The following SAMD5 variants were observed in gnomAD, a reference collection of about 807,000 sequenced individuals.
SAMD5 encodes sterile alpha motif domain containing 5, also known as sterile alpha motif domain-containing protein 5.
SAMD5 carries 13 observed loss-of-function variants against 11.3 expected under a neutral mutation model. The ratio of observed to expected loss-of-function variants is 1.15; its 90% CI spans 0.75 to 1.83. The LOEUF (loss-of-function observed/expected upper bound fraction) is 1.83, where lower values mean the gene tolerates loss of function less well. Ranked by LOEUF, SAMD5 falls within the 40% of genes most tolerant of loss-of-function variation. SAMD5 has a pLI of 0.00. For missense variants in SAMD5, 255 were observed against 239.1 expected, an observed-to-expected ratio of 1.07 and a Z score of -0.44; for synonymous variants, 129 against 111.3, an observed-to-expected ratio of 1.16 and a Z score of -1.00.
At chr6:147,930,107 C>G in the SAMD5 span, among the ~76,000 whole-genome samples, 3 of 151,942 alleles carry the variant, frequency 2.0e-5, no homozygotes, top group African/African-American at 7.2e-5. Context: ...CAGCCATCCA[C>G]GAAACTCTAG....
At chr6:147,911,697 A>T in the SAMD5 span, among the ~76,000 whole-genome samples, 1 of 152,244 alleles carries the variant, frequency 6.6e-6, no homozygotes, top group Non-Finnish European at 1.5e-5. Context: ...TGTACCAGTT[A>T]TCTATTGCTG....
chr6:147,910,799 G>A, the SAMD5 span, among the ~76,000 whole-genome samples: 1 of 152,320 alleles, frequency 6.6e-6, no homozygotes, highest in East Asian at 1.9e-4. Flanking sequence ...TTAATGACTA[G>A]TTATATTTTA....
At chr6:147,708,263 T>C (rs1304812166) in intron 1 of SAMD5, among the ~76,000 whole-genome samples, 1 of 152,078 alleles carries the variant, frequency 6.6e-6, no homozygotes, top group Non-Finnish European at 1.5e-5. Context: ...GAAGACATCA[T>C]AAAGATACAG....
At chr6:147,595,780 C>T (rs1789522595) in intron 1 of SAMD5, among the ~76,000 whole-genome samples, 1 of 152,072 alleles carries the variant, frequency 6.6e-6, no homozygotes. Context: ...CTGCCTCTGC[C>T]TCCCAAAGTG....
the SAMD5 span, among the ~76,000 whole-genome samples, chr6:147,882,567 G>T: frequency 6.6e-6 from 1 of 152,120 alleles, no homozygotes; most frequent in Non-Finnish European, 1.5e-5. Context: ...TCTAACCTGG[G>T]CAACATAGCA....
downstream of SAMD5, among the ~76,000 whole-genome samples, chr6:147,570,790 G>A (rs1020702741): frequency 4.6e-5 from 7 of 152,128 alleles, no homozygotes; most frequent in African/African-American, 1.7e-4. Flanking sequence ...GAAATGAAAA[G>A]GACCTTAAGG....
At position 147,569,896 on chromosome 6, in the gene SAMD5, G is replaced by A. The variant is rs144108559; in HGVS notation, c.*5440G>A. 1.5e-4 allele frequency: 151 copies of A among 985,044 alleles called. No individual in the cohort carries two copies. The South Asian group carries it at 2.1e-3, about 13-fold the overall frequency. 61.0% of individuals were successfully genotyped at this position (985,044 alleles called of 1,614,324 possible). On this transcript the variant is annotated 3_prime_UTR_variant, in exon 2 of 2. Transcript: ENST00000367474. ...TCAGTTATTATTTTTTTTAAAGGAC[G>A]TTATGAGAAGGCACTATGAAAAGCC...
the SAMD5 span, among the ~76,000 whole-genome samples, chr6:147,944,428 G>A: frequency 3.6e-3 from 544 of 152,238 alleles, 3 homozygotes; most frequent in African/African-American, 0.012. Context: ...AATACCATCA[G>A]ATCTCATGAC....
chr6:147,645,597 G>A (rs781350847), intron 1 of SAMD5, among the ~76,000 whole-genome samples: 25 of 152,190 alleles, frequency 1.6e-4, no homozygotes, highest in Non-Finnish European at 3.7e-4. Context: ...TTGCACAGGT[G>A]TGTGAATACT....
chr6:147,837,814 C>G, the SAMD5 span, among the ~76,000 whole-genome samples: 3 of 152,100 alleles, frequency 2.0e-5, no homozygotes, highest in South Asian at 6.2e-4. Flanking sequence ...TTTAAAGCAT[C>G]TAAACTGTAA....
At chr6:147,607,291 C>T (rs757271464) in intron 1 of SAMD5, among the ~76,000 whole-genome samples, 1 of 152,090 alleles carries the variant, frequency 6.6e-6, no homozygotes, top group Non-Finnish European at 1.5e-5. Flanking sequence ...GCCATCCCTA[C>T]CAAAATACCA....
chr6:147,590,563 C>T (rs1428949040), intron 1 of SAMD5, among the ~76,000 whole-genome samples: 2 of 152,132 alleles, frequency 1.3e-5, no homozygotes, highest in Admixed American at 6.6e-5. Flanking sequence ...CAGGCACGCA[C>T]TGCCATGCCT....
intron 1 of SAMD5, among the ~76,000 whole-genome samples, chr6:147,695,672 G>T (rs919776484): frequency 2.6e-5 from 4 of 152,118 alleles, no homozygotes; most frequent in Admixed American, 6.6e-5. Flanking sequence ...CTAGCTACCA[G>T]TGTCTACAAA....
At chr6:147,945,987 G>A in the SAMD5 span, among the ~76,000 whole-genome samples, 1 of 152,170 alleles carries the variant, frequency 6.6e-6, no homozygotes, top group African/African-American at 2.4e-5. Context: ...CTAAGCCATG[G>A]CCCTAGGCTG....
the SAMD5 span, among the ~76,000 whole-genome samples, chr6:147,917,900 C>T: frequency 1.3e-5 from 2 of 152,136 alleles, no homozygotes; most frequent in Non-Finnish European, 2.9e-5. Context: ...GGGCTCTGTT[C>T]TGTTCCATTG....
At position 147,611,435 on chromosome 6, in the gene SAMD5, C is replaced by T. The variant is rs143963169; in HGVS notation, c.162+102048C>T. On this transcript the variant is annotated intron_variant, in intron 1 of 1. Transcript: ENST00000566741. ...AAAATTAGCCAGGCATGGTGGTGCG[C>T]GCCTGTAATCCCAGCTACTCAGGAG... 2.0e-3 allele frequency among the ~76,000 whole-genome samples: 304 copies of T among 151,934 alleles called. 8 individuals carry two copies. The South Asian group carries it at 0.032, about 16-fold the overall frequency.
chr6:147,511,786 G>A (rs939486675), intron 1 of SAMD5, among the ~76,000 whole-genome samples: 10 of 152,136 alleles, frequency 6.6e-5, no homozygotes, highest in Non-Finnish European at 1.2e-4. Flanking sequence ...TGGATTTGTT[G>A]CTTATATGTG....
intron 1 of SAMD5, among the ~76,000 whole-genome samples, chr6:147,731,792 A>T (rs571109261): frequency 1.4e-5 from 2 of 146,164 alleles, no homozygotes; most frequent in East Asian, 4.2e-4. Context: ...AACAGAATTT[A>T]GAGTGGCTTG....
chr6:147,754,066 A>C, the SAMD5 span, among the ~76,000 whole-genome samples: 5 of 152,206 alleles, frequency 3.3e-5, no homozygotes, highest in African/African-American at 1.2e-4. Context: ...GTATATACCC[A>C]GCAGTGGGAT....
Sources: allele counts gnomAD v4.1 joint callset (sites outside exome capture counted in the v4.1 genomes callset), GRCh38; gene constraint gnomAD v4.1.1; transcripts MANE v1.5; gene names NCBI Gene and HGNC (gene_info 2026-07-23, HGNC 2026-07-21).